Variants in PTPRD observed in about 807,000 individuals in gnomAD.
PTPRD encodes the protein receptor-type tyrosine-protein phosphatase delta.
PTPRD carries 34 observed loss-of-function variants against 214.5 expected under a neutral mutation model. The ratio of observed to expected loss-of-function variants is 0.16; its 90% CI spans 0.12 to 0.21. The LOEUF is 0.21. Ranked by LOEUF, PTPRD falls within the 10% of genes least tolerant of loss-of-function variation. PTPRD has a pLI of 1.00. For missense variants in PTPRD, 2,545 were observed against 2,398.7 expected (o/e 1.06, Z -1.27); for synonymous variants, 1,128 against 845.7 (o/e 1.33, Z -5.79).
intron 5 of PTPRD, among the ~76,000 whole-genome samples, chr9:9,900,602 G>A (rs1311147534): frequency 6.6e-6 from 1 of 150,636 alleles, no homozygotes. Context: ...TCCAAAGTCG[G>A]CCTGTTACCC....
chr9:10,027,338 A>G (rs1241858795), intron 4 of PTPRD, among the ~76,000 whole-genome samples: 5 of 152,214 alleles, frequency 3.3e-5, no homozygotes, highest in East Asian at 1.9e-4. Context: ...AGCTGGGGGG[A>G]AAAGAGGTAG....
chr9:9,068,145 A>C (rs2099737932), intron 10 of PTPRD, among the ~76,000 whole-genome samples: 1 of 151,950 alleles, frequency 6.6e-6, no homozygotes, highest in Admixed American at 6.6e-5. Context: ...AATTTTCTCG[A>C]GATTCATCCA....
At chr9:9,920,795 G>A (rs770704982) in intron 5 of PTPRD, among the ~76,000 whole-genome samples, 1 of 152,110 alleles carries the variant, frequency 6.6e-6, no homozygotes, top group African/African-American at 2.4e-5. Context: ...GTAGATGCCA[G>A]CATTATTTAA....
At chr9:9,780,195 G>C (rs1454496837) in intron 5 of PTPRD, among the ~76,000 whole-genome samples, 1 of 152,126 alleles carries the variant, frequency 6.6e-6, no homozygotes, top group African/African-American at 2.4e-5. Flanking sequence ...TTATAAGTGG[G>C]AGCTAAACAT....
intron 6 of PTPRD, among the ~76,000 whole-genome samples, chr9:9,765,648 C>A (rs16930254): frequency 0.041 from 6,167 of 152,072 alleles, 394 homozygotes; most frequent in African/African-American, 0.14. Context: ...CTGAAGCTTA[C>A]GTAAATTCTT....
chr9:10,239,298 A>C (rs1446559613), intron 3 of PTPRD, among the ~76,000 whole-genome samples: 1 of 151,976 alleles, frequency 6.6e-6, no homozygotes, highest in African/African-American at 2.4e-5. Context: ...TGGTATAATA[A>C]ATGTGATAAA....
intron 2 of PTPRD, among the ~76,000 whole-genome samples, chr9:10,470,921 T>C (rs1433169191): frequency 6.6e-6 from 1 of 151,958 alleles, no homozygotes; most frequent in African/African-American, 2.4e-5. Flanking sequence ...AATGAGAAAC[T>C]GGATAAAGAA....
chr9:8,314,506 T>C lies in PTPRD; in HGVS notation c.*3368A>G, dbSNP rs931309213. On this transcript the variant is annotated 3_prime_UTR_variant, in exon 46 of 46. Transcript: ENST00000381196. ...ACGAGAGCAAAGAACACAACTGTTA[T>C]TATCTTTGTAAAGACACTCCAAGCT... is the stretch of plus-strand genomic sequence containing the variant. 8.6e-6 allele frequency: 2 copies of C among 232,058 alleles called. No homozygotes were observed. The highest frequency in any genetic ancestry group is 1.7e-5 in the Non-Finnish European group (2 of 117,006). The allele number at this position is 232,058 out of a possible 1,614,324, so 14.4% of individuals were successfully genotyped here. A position where few individuals can be genotyped will look rare whatever the true frequency, so the allele number is the denominator to read the frequency against.
At chr9:10,539,555 C>T (rs1296732706) in intron 2 of PTPRD, among the ~76,000 whole-genome samples, 1 of 152,044 alleles carries the variant, frequency 6.6e-6, no homozygotes, top group Non-Finnish European at 1.5e-5. Flanking sequence ...CAAATCCCAA[C>T]AGTCCTTTCA....
chr9:10,498,330 T>A (rs2042707777), intron 2 of PTPRD, among the ~76,000 whole-genome samples: 1 of 152,018 alleles, frequency 6.6e-6, no homozygotes, highest in Non-Finnish European at 1.5e-5. Context: ...ATCTTAAAAA[T>A]AATCTGAATT....
At chr9:8,956,130 C>T (rs1292274164) in intron 11 of PTPRD, among the ~76,000 whole-genome samples, 4 of 151,818 alleles carry the variant, frequency 2.6e-5, no homozygotes, top group Non-Finnish European at 5.9e-5. Flanking sequence ...ATGTCAGAAA[C>T]ATAAGGTGCT....
chr9:8,412,342 T>C (rs751599816), intron 35 of PTPRD, among the ~76,000 whole-genome samples: 2 of 152,208 alleles, frequency 1.3e-5, no homozygotes, highest in Non-Finnish European at 2.9e-5. Flanking sequence ...GACAAAATTA[T>C]CTAGCAAATA....
intron 2 of PTPRD, among the ~76,000 whole-genome samples, chr9:10,606,385 G>C (rs757160100): frequency 2.0e-5 from 3 of 151,756 alleles, no homozygotes; most frequent in African/African-American, 4.8e-5. Context: ...TGATTATAAA[G>C]ATTTGAGGCC....
At chr9:10,198,322 G>C (rs1381034083) in intron 3 of PTPRD, among the ~76,000 whole-genome samples, 1 of 152,158 alleles carries the variant, frequency 6.6e-6, no homozygotes, top group Non-Finnish European at 1.5e-5. Context: ...TGACAGGTCA[G>C]AGTATATGCT....
intron 2 of PTPRD, among the ~76,000 whole-genome samples, chr9:10,477,166 A>T (rs140361680): frequency 0.015 from 2,229 of 152,302 alleles, 52 homozygotes; most frequent in African/African-American, 0.049. Context: ...TCTGCACAGC[A>T]AAAGAAACTA....
At chr9:8,911,446 A>T (rs976411342) in intron 11 of PTPRD, among the ~76,000 whole-genome samples, 21 of 128,112 alleles carry the variant, frequency 1.6e-4, no homozygotes, top group East Asian at 2.7e-4. Context: ...TGTGTGAGAG[A>T]GAGAGAGAGA....
chr9:9,210,670 ACATG>A, intron 9 of PTPRD, among the ~76,000 whole-genome samples: 1 of 152,082 alleles, frequency 6.6e-6, no homozygotes, highest in Admixed American at 6.5e-5. Flanking sequence ...ATGACTTGCC[ACATG>A]CCACATGCCA....
intron 2 of PTPRD, among the ~76,000 whole-genome samples, chr9:10,525,706 A>C (rs2054035517): frequency 6.9e-6 from 1 of 144,314 alleles, no homozygotes; most frequent in African/African-American, 2.6e-5. Flanking sequence ...AAGTCAGGGA[A>C]GGATCCACAA....
intron 8 of PTPRD, among the ~76,000 whole-genome samples, chr9:9,432,047 TATAATAATAATAATAATAATA>T (rs373767588): frequency 1.4e-5 from 2 of 138,420 alleles, no homozygotes; most frequent in Non-Finnish European, 3.1e-5. Context: ...GAACTTAAAG[TATAATAATAATAATAATAATA>T]ATAATAATAA....
Sources: allele counts gnomAD v4.1 joint callset (sites outside exome capture counted in the v4.1 genomes callset), GRCh38; gene constraint gnomAD v4.1.1; transcripts MANE v1.5; gene names NCBI Gene and HGNC (gene_info 2026-07-23, HGNC 2026-07-21).